Variants in DNAAF8 observed in about 807,000 individuals in gnomAD.
DNAAF8 encodes the protein dynein axonemal-associated protein 1.
Under a neutral mutation model 54.6 loss-of-function variants are expected in DNAAF8, and 61 were observed. That is an observed-to-expected ratio of 1.12 (90% confidence interval 0.91 to 1.38). The LOEUF is 1.38. Ranked by LOEUF, DNAAF8 falls within the 40% of genes most tolerant of loss-of-function variation. The pLI, the probability that DNAAF8 is intolerant of heterozygous loss-of-function variation, is 0.00. For synonymous variants in DNAAF8, 320 were observed against 270.1 expected (o/e 1.18, Z -1.81); for missense variants, 837 against 665.0 (o/e 1.26, Z -2.85).
intron 6 of DNAAF8, among the ~76,000 whole-genome samples, chr16:4,745,448 T>C (rs1364604722): frequency 6.6e-6 from 1 of 152,176 alleles, no homozygotes; most frequent in East Asian, 1.9e-4. Flanking sequence ...CAGCCACCTG[T>C]CCTGCCACAG....
At position 4,736,526 on chromosome 16, in the gene DNAAF8, C is replaced by A; in HGVS notation, c.12C>A (p.Asn4Lys). 2 of 1,553,632 alleles carry A rather than the reference C, an allele frequency of 1.3e-6. No homozygotes were observed. Among genetic ancestry groups the A allele is most frequent in the Middle Eastern group, 1.7e-4 (1 of 5,852 alleles). Reference protein sequence around the residue: MASNDKGMAPSLGS... With the variant: MASKDKGMAPSLGS... ...AAGCCTGGGCCCTCATGGCATCCAA[C>A]GATAAAGGCATGGCACCCTCGCTGG... is the stretch of plus-strand genomic sequence containing the variant. Residue 4 changes from asparagine to lysine, a missense_variant, in exon 2 of 10, where the codon AAC becomes AAA. Asn to Lys is a moderately conservative substitution (Grantham distance 94). Coordinates refer to ENST00000299320, the MANE Select transcript of DNAAF8 (RefSeq NM_139170.3).
chr16:4,736,572 A>G lies in DNAAF8; in HGVS notation c.58A>G (p.Met20Val), dbSNP rs201035593. ...PSLGSPWASQ[M>V]GPWDAILKAV... Reference sequence around the variant, plus strand: ...GCTGGGCTCTCCCTGGGCCTCCCAGATGGGGCCCTGGGATGCCATCCTCAA... The same window carrying G: ...GCTGGGCTCTCCCTGGGCCTCCCAGGTGGGGCCCTGGGATGCCATCCTCAA... The change falls in exon 2 of 10, where the codon ATG becomes GTG. Residue 20 changes from methionine (M) to valine (V), a missense_variant. Met to Val is a conservative substitution (Grantham distance 21). Coordinates refer to ENST00000299320, the MANE Select transcript of DNAAF8 (RefSeq NM_139170.3). 17 of 1,590,628 alleles carry G rather than the reference A, an allele frequency of 1.1e-5. No individual in the cohort carries two copies. The highest frequency in any genetic ancestry group is 1.0e-4 in the South Asian group (9 of 87,966).
rs1227654785 is a variant in DNAAF8, at chr16:4,744,913, G to A, written c.945G>A (p.Leu315=). The A allele has an allele frequency of 6.2e-7, 1 of 1,613,840 alleles. No homozygotes were observed. The highest frequency in any genetic ancestry group is 1.7e-4 in the Middle Eastern group (1 of 6,060). ...PSAHNRLMEQ[L]ALLCTTQSKA... ...CCCACAACAGGCTCATGGAACAGCT[G>A]GCCCTCCTGTGCACCACGCAGTCCA... Residue 315 remains leucine, a synonymous_variant, in exon 6 of 10, where the codon CTG becomes CTA. Transcript: ENST00000299320.
chr16:4,736,987 C>A (rs766079149), intron 2 of DNAAF8, among the ~76,000 whole-genome samples: 2 of 152,102 alleles, frequency 1.3e-5, no homozygotes, highest in African/African-American at 2.4e-5. Flanking sequence ...TCCACTCTCT[C>A]GTGCCAGGAC....
intron 7 of DNAAF8, 119 bp from the exon 8 acceptor site, chr16:4,746,808 G>A (rs1596488223): frequency 1.0e-6 from 1 of 967,082 alleles, no homozygotes. Context: ...CCGGCCTCCA[G>A]TGTGGCTGCT....
At position 4,747,431 on chromosome 16, in the gene DNAAF8, C is replaced by A. The variant is rs142065357; in HGVS notation, c.1369C>A (p.Pro457Thr). 31 of 1,613,022 alleles carry A rather than the reference C, an allele frequency of 1.9e-5. No homozygotes were observed. In the East Asian group the frequency reaches 6.9e-4, roughly 36 times the overall value. ...AQPELPASKG[P>T]AGGRAQAPED... is the part of the protein sequence containing the mutation. ...GCCCGAGCTGCCTGCCAGCAAGGGG[C>A]CCGCGGGTGGGAGGGCTCAGGCCCC... The change falls in exon 9 of 10, where the codon CCC becomes ACC. Residue 457 changes from proline to threonine, a missense_variant. Transcript: ENST00000299320.
In DNAAF8 at chr16:4,744,902, A is replaced by G; in HGVS notation, c.934A>G (p.Met312Val). 7.4e-6 allele frequency: 12 copies of G among 1,613,876 alleles called. No homozygotes were observed. Among genetic ancestry groups the G allele is most frequent in the Non-Finnish European group, 1.0e-5 (12 of 1,179,992 alleles). The change falls in exon 6 of 10, where the codon ATG becomes GTG. Residue 312 changes from methionine (M) to valine (V), a missense_variant. Coordinates refer to ENST00000299320, the MANE Select transcript of DNAAF8 (RefSeq NM_139170.3). ...GGTGCCGAGCGCCCACAACAGGCTCATGGAACAGCTGGCCCTCCTGTGCAC... is the reference window on the plus strand; with the variant it reads ...GGTGCCGAGCGCCCACAACAGGCTCGTGGAACAGCTGGCCCTCCTGTGCAC... ...RMVPSAHNRLMEQLALLCTTQ... is the reference protein window; with the variant it reads ...RMVPSAHNRLVEQLALLCTTQ...
chr16:4,746,708 C>T, intron 7 of DNAAF8, 196 bp downstream of exon 7: 1 of 839,386 alleles, frequency 1.2e-6, no homozygotes, highest in Non-Finnish European at 1.8e-6. Context: ...AGGCACACCT[C>T]CTCGGGCTGG....
rs748714352 is a variant in DNAAF8 at position 4,736,571 on chromosome 16, G to C, written c.57G>C (p.Gln19His). ...CGCTGGGCTCTCCCTGGGCCTCCCAGATGGGGCCCTGGGATGCCATCCTCA... is the reference window on the plus strand; with the variant it reads ...CGCTGGGCTCTCCCTGGGCCTCCCACATGGGGCCCTGGGATGCCATCCTCA... ...APSLGSPWAS[Q>H]MGPWDAILKA... Residue 19 changes from glutamine (Q) to histidine (H), a missense_variant, in exon 2 of 10, where the codon CAG becomes CAC. Transcript: ENST00000299320. The C allele has an allele frequency of 3.8e-6, 6 of 1,590,480 alleles. No homozygotes were observed. In the Admixed American group the frequency reaches 8.6e-5, roughly 23 times the overall value.
rs1446602250 is a variant in DNAAF8 at position 4,740,480 on chromosome 16, G to T, written c.604G>T (p.Glu202Ter). The change falls in exon 4 of 10, where the codon GAG becomes TAG. Residue 202 changes from glutamate to a stop codon, truncating the protein, a stop_gained. Transcript: ENST00000299320. LOFTEE classifies it high-confidence loss of function. ...ESVNRRALRQ[E>*]RRKMIETDIL... ...TGTGAACCGCCGGGCCCTCCGACAG[G>T]AGAGAAGGAAGATGATAGAGACGGA... The T allele has an allele frequency of 8.7e-6, 14 of 1,613,976 alleles. No homozygotes were observed. The highest frequency in any genetic ancestry group is 1.2e-5 in the Non-Finnish European group (14 of 1,180,016).
chr16:4,738,676 AG>A (rs1448422086), intron 3 of DNAAF8, among the ~76,000 whole-genome samples: 2 of 152,168 alleles, frequency 1.3e-5, no homozygotes, highest in African/African-American at 4.8e-5. Flanking sequence ...TGAAGTCAGG[AG>A]TTTGAGACCA....
intron 1 of DNAAF8, chr16:4,735,000 C>T (rs2081860063): frequency 6.6e-6 from 1 of 152,244 alleles, no homozygotes; most frequent in Non-Finnish European, 1.5e-5. Flanking sequence ...GGCTCCGAGC[C>T]TCCCCTTCGC....
intron 4 of DNAAF8, among the ~76,000 whole-genome samples, chr16:4,741,909 G>A (rs761927275): frequency 2.9e-4 from 44 of 152,190 alleles, no homozygotes; most frequent in Non-Finnish European, 4.3e-4. Flanking sequence ...CCATCACACC[G>A]TCTCGGTTTT....
intron 9 of DNAAF8, chr16:4,748,452 C>T (rs1231760985): frequency 1.3e-5 from 2 of 152,260 alleles, no homozygotes; most frequent in Admixed American, 6.5e-5. Flanking sequence ...GGCCTTTGAC[C>T]TTTATGAATC....
At chr16:4,742,999 G>A in intron 4 of DNAAF8, 44 bp from the exon 5 acceptor site, 1 of 1,476,044 alleles carries the variant, frequency 6.8e-7, no homozygotes, top group Non-Finnish European at 9.5e-7. Flanking sequence ...TGTGCCTCTG[G>A]GACCCCTCAG....
Position 4,743,091 on chromosome 16 carries a change from CAAG to C in DNAAF8, c.837_839del (p.Glu279del), listed in dbSNP as rs1431828874. 16 of 1,612,258 alleles carry C rather than the reference CAAG, an allele frequency of 9.9e-6. No homozygotes were observed. The highest frequency in any genetic ancestry group is 1.3e-5 in the Non-Finnish European group (15 of 1,179,342). ...TGACATCCTTCAGAGTCTGGCGGGA[CAAG>C]AAGACAACCAGGGAAATCGTGCACC... On this transcript the variant is annotated inframe_deletion, in exon 5 of 10. Transcript: ENST00000299320.
Position 4,736,654 on chromosome 16 carries a change from ACT to A in DNAAF8, c.129+17_129+18del. The A allele has an allele frequency of 1.3e-6, 2 of 1,546,140 alleles. No individual in the cohort carries two copies. Among genetic ancestry groups the A allele is most frequent in the South Asian group, 2.4e-5 (2 of 83,728 alleles). Reference sequence around the variant, plus strand: ...TCAGACTCCCCTTTGGTAAGCAAGAACTCTCTCCCTGGATGCCTTGTCCTTCC... The same window carrying A: ...TCAGACTCCCCTTTGGTAAGCAAGAACTCTCCCTGGATGCCTTGTCCTTCC... On this transcript the variant is annotated intron_variant, in intron 2 of 9. Coordinates refer to ENST00000299320, the MANE Select transcript of DNAAF8 (RefSeq NM_139170.3).
chr16:4,742,524 T>A (rs1452286596), intron 4 of DNAAF8, among the ~76,000 whole-genome samples: 1 of 132,782 alleles, frequency 7.5e-6, no homozygotes, highest in Non-Finnish European at 1.6e-5. Flanking sequence ...CTGGCCAACA[T>A]GGTGAAACCC....
intron 1 of DNAAF8, among the ~76,000 whole-genome samples, chr16:4,735,835 A>G (rs932420344): frequency 3.3e-5 from 5 of 152,184 alleles, no homozygotes; most frequent in African/African-American, 1.2e-4. Flanking sequence ...ACACACCTGT[A>G]GTCCCAGTTA....
Sources: allele counts gnomAD v4.1 joint callset (sites outside exome capture counted in the v4.1 genomes callset), GRCh38; gene constraint gnomAD v4.1.1; transcripts MANE v1.5; gene names NCBI Gene and HGNC (gene_info 2026-07-23, HGNC 2026-07-21).